Variants in FAH observed in about 807,000 individuals in gnomAD.
FAH encodes the protein fumarylacetoacetase.
A neutral mutation model predicts 55.8 loss-of-function variants in FAH; 47 were observed. The ratio of observed to expected loss-of-function variants is 0.84; its 90% CI spans 0.67 to 1.07. The LOEUF (loss-of-function observed/expected upper bound fraction) is 1.07. Among genes scored for constraint, FAH ranks in the 50% least tolerant of loss-of-function variants. The pLI is 0.00. For synonymous variants in FAH, 199 were observed against 207.7 expected (o/e 0.96, Z 0.36); for missense variants, 495 against 545.9 (o/e 0.91, Z 0.93).
chr15:80,165,426 G>A (rs1001495263), intron 5 of FAH, among the ~76,000 whole-genome samples: 3 of 152,086 alleles, frequency 2.0e-5, no homozygotes, highest in Non-Finnish European at 4.4e-5. Context: ...TACTTGGGAG[G>A]CTGAGGCAGA....
intron 13 of FAH, among the ~76,000 whole-genome samples, chr15:80,182,207 CTT>C (rs1472702499): frequency 1.3e-5 from 2 of 152,210 alleles, no homozygotes; most frequent in African/African-American, 4.8e-5. Context: ...TTACCTCTCT[CTT>C]ATAACACACA....
chr15:80,178,587 ATT>A (rs143350647), intron 11 of FAH, among the ~76,000 whole-genome samples: 4 of 143,502 alleles, frequency 2.8e-5, no homozygotes, highest in Non-Finnish European at 3.0e-5. Flanking sequence ...AACTGACTTA[ATT>A]TTTTTTTTTT....
intron 1 of FAH, chr15:80,157,598 G>A: frequency 4.3e-6 from 1 of 231,218 alleles, no homozygotes; most frequent in South Asian, 6.7e-5. Context: ...ATTAATCCAA[G>A]CCACCTGGCC....
At position 80,168,065 on chromosome 15, in the gene FAH, G is replaced by T; in HGVS notation, c.469G>T (p.Val157Leu). Reference sequence around the variant, plus strand: ...TTCCTTTCTCAGGCTGCACTTACCAGTGGGCTACCATGGCCGTGCCTCCTC... The same window carrying T: ...TTCCTTTCTCAGGCTGCACTTACCATTGGGCTACCATGGCCGTGCCTCCTC... ...ALMPNWLHLPVGYHGRASSVV... is the reference protein window; with the variant it reads ...ALMPNWLHLPLGYHGRASSVV... Residue 157 changes from valine to leucine, a missense_variant, in exon 6 of 14, where the codon GTG becomes TTG. Physicochemically the swap from Val to Leu is conservative, Grantham distance 32 (BLOSUM62 1). Coordinates refer to ENST00000561421, the MANE Select transcript of FAH (RefSeq NM_000137.4). The T allele has an allele frequency of 6.2e-7, 1 of 1,614,090 alleles. No homozygotes were observed. The highest frequency in any genetic ancestry group is 8.5e-7 in the Non-Finnish European group (1 of 1,179,994).
intron 13 of FAH, among the ~76,000 whole-genome samples, chr15:80,183,870 G>A (rs1049429353): frequency 6.6e-6 from 1 of 152,166 alleles, no homozygotes; most frequent in Non-Finnish European, 1.5e-5. Flanking sequence ...TCACACAGGC[G>A]ATAAAGGGTA....
rs77818112 is a variant in FAH, at chr15:80,182,381, A to C, written c.1180+1222A>C. On this transcript the variant is annotated intron_variant, in intron 13 of 13. Coordinates refer to ENST00000561421, the MANE Select transcript of FAH (RefSeq NM_000137.4). The stretch of plus-strand genomic sequence containing the variant: ...GCTCTTGGAGAGCAAAGTTTAGTCC[A>C]AGTAGCAGCCACATAGTGCATGCCC... 2.6e-3 allele frequency among the ~76,000 whole-genome samples: 394 copies of C among 152,338 alleles called. 2 individuals carry two copies. Among genetic ancestry groups the C allele is most frequent in the African/African-American group, 9.0e-3 (373 of 41,578 alleles).
intron 9 of FAH, chr15:80,173,757 A>C: frequency 1.2e-5 from 2 of 168,190 alleles, no homozygotes; most frequent in Non-Finnish European, 2.6e-5. Context: ...GTGGCCCCTC[A>C]CTCTTGTTGG....
At chr15:80,180,090 G>A (rs1434570894) in intron 11 of FAH, 34 bp from the exon 12 acceptor site, 2 of 1,492,802 alleles carry the variant, frequency 1.3e-6, no homozygotes, top group Non-Finnish European at 1.8e-6. Context: ...TAAGCCTGCC[G>A]CTGCTCATTC....
At position 80,180,978 on chromosome 15, in the gene FAH, A is replaced by G. The variant is rs941290003; in HGVS notation, c.1063-64A>G. On this transcript the variant is annotated intron_variant, in intron 12 of 13. Transcript: ENST00000561421. ...TCGGGACTCCCAGGTCTTGCTGAGC[A>G]TGGTCCATGCCAGAGCCAAGGCATA... The G allele has an allele frequency of 2.9e-5, 39 of 1,351,756 alleles. 1 individual carries two copies. In the Middle Eastern group the frequency reaches 1.4e-3, roughly 47 times the overall value. 83.7% of individuals were successfully genotyped at this position (1,351,756 alleles called of 1,614,324 possible).
At chr15:80,180,971 G>T (rs747900812) in intron 12 of FAH, 71 bp from the exon 13 acceptor site, 3 of 1,294,948 alleles carry the variant, frequency 2.3e-6, no homozygotes, top group Non-Finnish European at 3.3e-6. Context: ...CCCAGGTCTT[G>T]CTGAGCATGG....
intron 1 of FAH, among the ~76,000 whole-genome samples, chr15:80,153,581 C>G (rs926485182): frequency 1.3e-5 from 2 of 152,100 alleles, no homozygotes; most frequent in Non-Finnish European, 2.9e-5. Flanking sequence ...ACCCGGTATG[C>G]GTAGCAGGTC....
intron 13 of FAH, among the ~76,000 whole-genome samples, 178 bp from the exon 14 acceptor site, chr15:80,185,952 G>A (rs2041367022): frequency 6.6e-6 from 1 of 152,214 alleles, no homozygotes; most frequent in Non-Finnish European, 1.5e-5. Context: ...GCTCCTGCGT[G>A]CAACTCTGCC....
rs2142112674 is a variant in FAH, at chr15:80,186,188, G to T, written c.1239G>T (p.Leu413=). 1 of 1,614,078 alleles carries T rather than the reference G, an allele frequency of 6.2e-7. No individual in the cohort carries two copies. The highest frequency in any genetic ancestry group is 8.5e-7 in the Non-Finnish European group (1 of 1,179,922). The change falls in exon 14 of 14, where the codon CTG becomes CTT. Residue 413 remains leucine, a synonymous_variant. Transcript: ENST00000561421. The stretch of plus-strand genomic sequence containing the variant: ...TTGGCCAGTGTGCTGGAAAAGTGCT[G>T]CCTGCTCTCCTGCCATCATGAGATT... ...IGFGQCAGKV[L]PALLPS
chr15:80,169,147 C>A (rs1292857264), intron 7 of FAH, among the ~76,000 whole-genome samples: 43 of 152,278 alleles, frequency 2.8e-4, no homozygotes, highest in Non-Finnish European at 4.4e-5. Flanking sequence ...CTTTGGGAGG[C>A]TGAGGTGGAT....
At chr15:80,180,935 A>T in intron 12 of FAH, 107 bp from the exon 13 acceptor site, 1 of 855,908 alleles carries the variant, frequency 1.2e-6, no homozygotes, top group Non-Finnish European at 2.0e-6. Flanking sequence ...GAGGGGCATG[A>T]GGGCCCCCTG....
chr15:80,166,635 C>CTTTTTTT lies in FAH; in HGVS notation c.456-1404_456-1398dup, dbSNP rs768001652. On this transcript the variant is annotated intron_variant, in intron 5 of 13. Transcript: ENST00000561421. ...TTCTAGATACAGAGTTTTGCATTTT[C>CTTTTTTT]TTTTTTTTTTTTTTTTTTTGAGACA... 6.5e-4 allele frequency among the ~76,000 whole-genome samples: 77 copies of CTTTTTTT among 118,346 alleles called. 1 individual carries two copies. Among genetic ancestry groups the CTTTTTTT allele is most frequent in the East Asian group, 1.3e-3 (5 of 3,888 alleles). 77.6% of individuals were successfully genotyped at this position (118,346 alleles called of 152,430 possible).
At chr15:80,157,698 C>T (rs1271158737) in intron 1 of FAH, 2 of 350,882 alleles carry the variant, frequency 5.7e-6, no homozygotes, top group Non-Finnish European at 1.1e-5. Flanking sequence ...ATCCAACATC[C>T]TGGTAAGGTG....
At chr15:80,164,315 C>G (rs1482610683) in intron 5 of FAH, among the ~76,000 whole-genome samples, 1 of 152,176 alleles carries the variant, frequency 6.6e-6, no homozygotes, top group Non-Finnish European at 1.5e-5. Context: ...CTTGCTTCTG[C>G]TGTTACATTT....
At chr15:80,181,565 TC>T (rs1185284992) in intron 13 of FAH, among the ~76,000 whole-genome samples, 2 of 152,020 alleles carry the variant, frequency 1.3e-5, no homozygotes, top group Admixed American at 1.3e-4. Flanking sequence ...GCCTCTTAAT[TC>T]TTCTGGGGGT....
Sources: allele counts gnomAD v4.1 joint callset (sites outside exome capture counted in the v4.1 genomes callset), GRCh38; gene constraint gnomAD v4.1.1; transcripts MANE v1.5; gene names NCBI Gene and HGNC (gene_info 2026-07-23, HGNC 2026-07-21).